EXOC4: variants seen among roughly 807,000 people sequenced by gnomAD.
EXOC4 encodes exocyst complex component 4, also known as SEC8-like 1.
In EXOC4, 71 loss-of-function variants were observed where a neutral mutation model predicts 107.2. The observed-to-expected ratio is 0.66, with a 90% CI of 0.55 to 0.81. EXOC4 has a LOEUF of 0.81. EXOC4 is among the 30% of genes least tolerant of loss of function. The pLI is 0.00. For missense variants in EXOC4, 1,108 were observed against 1,189.6 expected (o/e 0.93, Z 1.01); for synonymous variants, 456 against 441.2 (o/e 1.03, Z -0.42).
intron 9 of EXOC4, among the ~76,000 whole-genome samples, chr7:133,543,683 GTGTGAGATTATAAAACGAACCTGC>G (rs900297304): frequency 2.0e-5 from 3 of 151,628 alleles, no homozygotes; most frequent in African/African-American, 7.3e-5. Flanking sequence ...GAAAAGAGTG[GTGTGAGATTATAAAACGAACCTGC>G]TGCTAGAAGT....
intron 14 of EXOC4, among the ~76,000 whole-genome samples, chr7:133,985,854 A>G (rs1336760349): frequency 1.3e-5 from 2 of 152,162 alleles, no homozygotes; most frequent in Admixed American, 6.6e-5. Flanking sequence ...CCGATCCTCC[A>G]GTTCCCTCAT....
chr7:133,581,586 G>A (rs1034028609), intron 9 of EXOC4, among the ~76,000 whole-genome samples: 6 of 151,252 alleles, frequency 4.0e-5, no homozygotes, highest in South Asian at 2.1e-4. Flanking sequence ...GTGAAACCCC[G>A]TCTCTACTAA....
At chr7:133,646,385 A>G (rs999786066) in intron 10 of EXOC4, among the ~76,000 whole-genome samples, 1 of 152,146 alleles carries the variant, frequency 6.6e-6, no homozygotes, top group African/African-American at 2.4e-5. Context: ...ATAGTTTACT[A>G]CCCTACAAGA....
chr7:133,641,985 G>C (rs1802867441), intron 10 of EXOC4, among the ~76,000 whole-genome samples: 1 of 152,142 alleles, frequency 6.6e-6, no homozygotes, highest in African/African-American at 2.4e-5. Context: ...CTGAACGTTG[G>C]AGGTCTGTCT....
chr7:133,639,238 A>G (rs901286755), intron 10 of EXOC4, among the ~76,000 whole-genome samples: 4 of 152,128 alleles, frequency 2.6e-5, no homozygotes, highest in Admixed American at 1.3e-4. Flanking sequence ...TTATTTTATC[A>G]TTCCCCTTGC....
chr7:133,653,270 G>A (rs1463963740), intron 10 of EXOC4, among the ~76,000 whole-genome samples: 1 of 152,134 alleles, frequency 6.6e-6, no homozygotes, highest in Non-Finnish European at 1.5e-5. Flanking sequence ...GAATTGGTTT[G>A]TAATCCAAAA....
At chr7:133,735,789 A>G (rs1285980310) in intron 10 of EXOC4, among the ~76,000 whole-genome samples, 1 of 152,052 alleles carries the variant, frequency 6.6e-6, no homozygotes, top group East Asian at 1.9e-4. Context: ...CTATTACCAT[A>G]AGATACTTAT....
chr7:133,972,845 T>A (rs1345277081), intron 14 of EXOC4, among the ~76,000 whole-genome samples: 1 of 152,208 alleles, frequency 6.6e-6, no homozygotes, highest in Non-Finnish European at 1.5e-5. Context: ...TTCCATATTA[T>A]ATTCCCTGGG....
At chr7:133,453,077 A>G (rs1798383722) in intron 7 of EXOC4, among the ~76,000 whole-genome samples, 2 of 152,260 alleles carry the variant, frequency 1.3e-5, no homozygotes, top group South Asian at 4.1e-4. Flanking sequence ...TGAACGAGGC[A>G]TTAAAAGAGC....
chr7:134,096,222 G>A, the EXOC4 span, among the ~76,000 whole-genome samples: 1 of 152,026 alleles, frequency 6.6e-6, no homozygotes, highest in African/African-American at 2.4e-5. Context: ...CAAATCAAAA[G>A]CACAATGAGT....
chr7:133,741,592 GA>G (rs1268696796), intron 10 of EXOC4, among the ~76,000 whole-genome samples: 1 of 152,166 alleles, frequency 6.6e-6, no homozygotes, highest in African/African-American at 2.4e-5. Flanking sequence ...TTGGCACTCA[GA>G]AAATGTTTCC....
At chr7:133,477,423 A>G (rs1799044026) in intron 8 of EXOC4, among the ~76,000 whole-genome samples, 3 of 152,262 alleles carry the variant, frequency 2.0e-5, no homozygotes, top group South Asian at 4.1e-4. Flanking sequence ...GCCTTTTCAG[A>G]ATGGCTTCTT....
At chr7:133,410,225 A>G (rs1007559995) in intron 7 of EXOC4, among the ~76,000 whole-genome samples, 3 of 152,200 alleles carry the variant, frequency 2.0e-5, no homozygotes, top group African/African-American at 2.4e-5. Flanking sequence ...GTGTTTCAAG[A>G]TAGCTCAGCC....
chr7:133,438,951 C>T (rs1456682186), intron 7 of EXOC4, among the ~76,000 whole-genome samples: 1 of 152,150 alleles, frequency 6.6e-6, no homozygotes, highest in Admixed American at 6.6e-5. Flanking sequence ...AACATAAGAA[C>T]AATGACTGGG....
chr7:133,353,550 C>T (rs750607896), intron 5 of EXOC4, among the ~76,000 whole-genome samples: 2 of 152,028 alleles, frequency 1.3e-5, no homozygotes, highest in African/African-American at 4.8e-5. Context: ...TGAGTAACTT[C>T]GCTCACTACT....
At chr7:133,919,386 A>G (rs182828448) in intron 13 of EXOC4, among the ~76,000 whole-genome samples, 8 of 152,348 alleles carry the variant, frequency 5.3e-5, no homozygotes, top group African/African-American at 1.7e-4. Context: ...ATTAATGACT[A>G]AAGTCTGTAG....
intron 10 of EXOC4, among the ~76,000 whole-genome samples, chr7:133,763,624 T>A (rs563809583): frequency 6.6e-6 from 1 of 151,972 alleles, no homozygotes; most frequent in Non-Finnish European, 1.5e-5. Flanking sequence ...TAGCAGCTGT[T>A]GTTACTGTCA....
At chr7:134,073,765 A>AG in the EXOC4 span, among the ~76,000 whole-genome samples, 1 of 152,050 alleles carries the variant, frequency 6.6e-6, no homozygotes. Flanking sequence ...ACTCACAGGC[A>AG]GGGGATGGGG....
chr7:133,866,212 G>GGGAAAT (rs958277959), intron 11 of EXOC4, among the ~76,000 whole-genome samples: 46 of 152,214 alleles, frequency 3.0e-4, no homozygotes, highest in African/African-American at 1.1e-3. Context: ...ATGAGATTAA[G>GGGAAAT]GGAAATCGAG....
Sources: allele counts gnomAD v4.1 joint callset (sites outside exome capture counted in the v4.1 genomes callset), GRCh38; gene constraint gnomAD v4.1.1; transcripts MANE v1.5; gene names NCBI Gene and HGNC (gene_info 2026-07-23, HGNC 2026-07-21).